Variants in ANKS1B observed in about 807,000 individuals in gnomAD.
The protein encoded by ANKS1B is ankyrin repeat and sterile alpha motif domain-containing protein 1B.
Under a neutral mutation model 148.3 loss-of-function variants are expected in ANKS1B, and 36 were observed. That is an observed-to-expected ratio of 0.24 (90% CI 0.19 to 0.32). The LOEUF (loss-of-function observed/expected upper bound fraction) is 0.32, where lower values mean the gene tolerates loss of function less well. Among genes scored for constraint, ANKS1B ranks in the 10% least tolerant of loss-of-function variants. The pLI is 1.00. For missense variants in ANKS1B, 1,157 were observed against 1,542.6 expected (o/e 0.75, Z 4.19); for synonymous variants, 542 against 560.8 (o/e 0.97, Z 0.47).
intron 1 of ANKS1B, among the ~76,000 whole-genome samples, chr12:99,840,450 T>C (rs1414765756): frequency 6.6e-6 from 1 of 152,110 alleles, no homozygotes; most frequent in Non-Finnish European, 1.5e-5. Context: ...TGTATTCTGC[T>C]GCTCTGCTAA....
chr12:98,958,570 C>T (rs553224885), intron 17 of ANKS1B, among the ~76,000 whole-genome samples: 1 of 152,310 alleles, frequency 6.6e-6, no homozygotes, highest in East Asian at 1.9e-4. Flanking sequence ...TGTATACATA[C>T]ATGTACACAC....
intron 8 of ANKS1B, among the ~76,000 whole-genome samples, chr12:99,665,771 G>A (rs2098503737): frequency 6.6e-6 from 1 of 152,144 alleles, no homozygotes; most frequent in African/African-American, 2.4e-5. Context: ...CAACCTTAGC[G>A]TGAGCCAAGT....
intron 12 of ANKS1B, among the ~76,000 whole-genome samples, chr12:99,290,899 C>T (rs1223063453): frequency 1.3e-5 from 2 of 151,906 alleles, no homozygotes; most frequent in East Asian, 3.9e-4. Context: ...CACTGTTATT[C>T]AATATAATAC....
chr12:98,973,031 G>A (rs907638186), intron 17 of ANKS1B, among the ~76,000 whole-genome samples: 1 of 152,158 alleles, frequency 6.6e-6, no homozygotes, highest in Admixed American at 6.5e-5. Flanking sequence ...ACTCTTTGTG[G>A]TTGGTAACAT....
intron 9 of ANKS1B, among the ~76,000 whole-genome samples, chr12:99,561,152 T>G (rs1597114344): frequency 6.6e-6 from 1 of 152,154 alleles, no homozygotes; most frequent in South Asian, 2.1e-4. Flanking sequence ...GGCCGGCAAT[T>G]TCTTAAAATA....
intron 12 of ANKS1B, among the ~76,000 whole-genome samples, chr12:99,303,255 C>A (rs1475195103): frequency 6.6e-6 from 1 of 152,080 alleles, no homozygotes; most frequent in Non-Finnish European, 1.5e-5. Context: ...ATAAACACAT[C>A]ATAGATGAAA....
intron 9 of ANKS1B, among the ~76,000 whole-genome samples, chr12:99,638,707 A>C (rs1160053703): frequency 1.3e-5 from 2 of 152,212 alleles, no homozygotes; most frequent in Non-Finnish European, 2.9e-5. Context: ...GTTAATCACC[A>C]AGACAATGGG....
intron 9 of ANKS1B, among the ~76,000 whole-genome samples, chr12:99,590,493 A>G (rs1330405812): frequency 6.6e-6 from 1 of 152,182 alleles, no homozygotes; most frequent in Non-Finnish European, 1.5e-5. Context: ...TGTCCCTTGC[A>G]TCCACAGCAT....
chr12:99,055,317 T>G (rs1163558166), intron 16 of ANKS1B, among the ~76,000 whole-genome samples: 1 of 152,170 alleles, frequency 6.6e-6, no homozygotes, highest in Non-Finnish European at 1.5e-5. Context: ...ACACTAAGGT[T>G]GAAGTTAACT....
chr12:99,309,366 T>A (rs1334144226), intron 12 of ANKS1B, among the ~76,000 whole-genome samples: 2 of 152,048 alleles, frequency 1.3e-5, no homozygotes, highest in African/African-American at 4.8e-5. Flanking sequence ...ATGTTATGTT[T>A]TTTTCCCTTT....
intron 11 of ANKS1B, among the ~76,000 whole-genome samples, chr12:99,425,247 T>C (rs2095225594): frequency 6.6e-6 from 1 of 152,030 alleles, no homozygotes; most frequent in Admixed American, 6.5e-5. Context: ...TAGTTAACAG[T>C]TAACATTTTT....
intron 1 of ANKS1B, among the ~76,000 whole-genome samples, chr12:99,951,891 T>C (rs1031746740): frequency 2.0e-5 from 3 of 152,018 alleles, no homozygotes; most frequent in African/African-American, 7.2e-5. Flanking sequence ...AATTAATTAA[T>C]GGTATTAGGT....
chr12:99,337,161 G>C (rs1190340998), intron 12 of ANKS1B, among the ~76,000 whole-genome samples: 3 of 151,866 alleles, frequency 2.0e-5, no homozygotes, highest in Non-Finnish European at 4.4e-5. Flanking sequence ...GAGGCTATTT[G>C]CTAAATTTTG....
Position 99,133,846 on chromosome 12 carries a change from CTTG to C in ANKS1B, c.2526+20440_2526+20442del, listed in dbSNP as rs142403971. ...GCAACGATGATAACTAGCGCCTGAA[CTTG>C]TTGTTCCAAAGTGCCTGACATGAAT... On this transcript the variant is annotated intron_variant, in intron 15 of 26. Coordinates refer to ENST00000683438, the MANE Select transcript of ANKS1B (RefSeq NM_001352186.2). Among the ~76,000 whole-genome samples the C allele has an allele frequency of 6.4e-3, 979 of 152,328 alleles. 15 individuals carry two copies. The highest frequency in any genetic ancestry group is 0.023 in the African/African-American group (947 of 41,576).
At chr12:98,863,690 A>G (rs2099610832) in intron 17 of ANKS1B, among the ~76,000 whole-genome samples, 1 of 152,216 alleles carries the variant, frequency 6.6e-6, no homozygotes, top group Admixed American at 6.5e-5. Context: ...TTGTTTTCTC[A>G]TATTGAGTAT....
intron 9 of ANKS1B, among the ~76,000 whole-genome samples, chr12:99,622,101 T>C (rs1230979843): frequency 6.6e-6 from 1 of 152,032 alleles, no homozygotes. Flanking sequence ...TAATGATCTC[T>C]TAAAACCACA....
chr12:99,275,251 T>G (rs1158760975), intron 12 of ANKS1B, among the ~76,000 whole-genome samples: 2 of 152,234 alleles, frequency 1.3e-5, no homozygotes, highest in African/African-American at 4.8e-5. Context: ...AAATTAATGT[T>G]GACTATCGTC....
At chr12:99,968,656 T>G (rs2095520222) in intron 1 of ANKS1B, among the ~76,000 whole-genome samples, 1 of 152,222 alleles carries the variant, frequency 6.6e-6, no homozygotes, top group South Asian at 2.1e-4. Context: ...AAATCCCACG[T>G]ACATGGTTTA....
intron 9 of ANKS1B, among the ~76,000 whole-genome samples, chr12:99,589,831 C>T (rs2097681490): frequency 6.6e-6 from 1 of 152,020 alleles, no homozygotes; most frequent in African/African-American, 2.4e-5. Context: ...TTAGAATGCT[C>T]CTAACACAAA....
Sources: allele counts gnomAD v4.1 joint callset (sites outside exome capture counted in the v4.1 genomes callset), GRCh38; gene constraint gnomAD v4.1.1; transcripts MANE v1.5; gene names NCBI Gene and HGNC (gene_info 2026-07-23, HGNC 2026-07-21).